Variants in MYH3 observed in about 807,000 individuals in gnomAD.
MYH3 encodes myosin-3.
In MYH3, 130 loss-of-function variants were observed where a neutral mutation model predicts 238.0. The ratio of observed to expected loss-of-function variants is 0.55; its 90% CI spans 0.47 to 0.63. The LOEUF (loss-of-function observed/expected upper bound fraction) is 0.63, where lower values mean the gene tolerates loss of function less well. Among genes scored for constraint, MYH3 ranks in the 30% least tolerant of loss-of-function variants. The pLI is 0.00. For synonymous variants in MYH3, 880 were observed against 924.1 expected (o/e 0.95, Z 0.86); for missense variants, 1,853 against 2,374.9 (o/e 0.78, Z 4.57).
intron 4 of MYH3, 159 bp downstream of exon 4, chr17:10,652,261 G>A: frequency 1.1e-6 from 1 of 933,098 alleles, no homozygotes; most frequent in Non-Finnish European, 1.7e-6. Flanking sequence ...TCCACCTCTT[G>A]CTTTCTTGCC....
At chr17:10,660,491 C>T (rs373114406), upstream of MYH3, among the ~76,000 whole-genome samples, 5 of 150,240 alleles carry the variant, frequency 3.3e-5, no homozygotes, top group South Asian at 2.1e-4. Flanking sequence ...CTGGCTAACA[C>T]AGTGAAACCC....
At position 10,654,968 on chromosome 17, in the gene MYH3, C is replaced by G. The variant is rs143168289; in HGVS notation, c.97G>C (p.Asp33His). 26 of 1,614,066 alleles carry G rather than the reference C, an allele frequency of 1.6e-5. No individual in the cohort carries two copies. The highest frequency in any genetic ancestry group is 2.2e-5 in the Non-Finnish European group (26 of 1,180,032). Residue 33 changes from aspartate (D) to histidine (H), a missense_variant, in exon 3 of 41, where the codon GAT becomes CAT. Physicochemically the swap from Asp to His is moderately conservative, Grantham distance 81. Around this residue, in one of 3 missense-constraint regions of MYH3, gnomAD observed 131 missense variants for 123.5 expected, o/e 1.06. Coordinates refer to ENST00000583535, the MANE Select transcript of MYH3 (RefSeq NM_002470.4). The surrounding 1 kb of genome is among the most constrained non-coding windows in gnomAD (Gnocchi z 4.5). ...ACCACGAAGCAATACGTCTTGGCATCAAAGGGCTGGTTCTGAGCCTCGATC... is the reference window on the plus strand; with the variant it reads ...ACCACGAAGCAATACGTCTTGGCATGAAAGGGCTGGTTCTGAGCCTCGATC... The part of the protein sequence containing the change: ...ERIEAQNQPF[D>H]AKTYCFVVDS...
chr17:10,645,831 G>A lies in MYH3; in HGVS notation c.1017C>T (p.Ile339=). Residue 339 remains isoleucine (I), a synonymous_variant, in exon 12 of 41, where the codon ATC becomes ATT. Transcript: ENST00000583535. ...ATTTCTCTTCTGGGGTGAAGCCCAGGATGTCAATGGCGCTCTGGCATGGAA... is the reference window on the plus strand; with the variant it reads ...ATTTCTCTTCTGGGGTGAAGCCCAGAATGTCAATGGCGCTCTGGCATGGAA... ...ELLATDSAID[I]LGFTPEEKSG... The A allele has an allele frequency of 6.2e-7, 1 of 1,613,878 alleles. No homozygotes were observed. Among genetic ancestry groups the A allele is most frequent in the Middle Eastern group, 1.6e-4 (1 of 6,062 alleles).
the MYH3 span, chr17:10,676,932 C>G: frequency 6.6e-6 from 1 of 152,214 alleles, no homozygotes; most frequent in African/African-American, 2.4e-5. Context: ...GCTAAAGAGG[C>G]TATTACTTGA....
chr17:10,628,769 G>A (rs1189528203), intron 40 of MYH3, 90 bp from the exon 41 acceptor site: 22 of 1,389,864 alleles, frequency 1.6e-5, no homozygotes, highest in Non-Finnish European at 2.2e-5. Flanking sequence ...AGAGTTGCTT[G>A]CCTACTTCAG....
At chr17:10,634,275 G>A in intron 31 of MYH3, 93 bp from the exon 32 acceptor site, 1 of 1,450,198 alleles carries the variant, frequency 6.9e-7, no homozygotes, top group East Asian at 2.3e-5. Flanking sequence ...CAGAGTTAGG[G>A]CTACACTTGG....
intron 30 of MYH3, 106 bp downstream of exon 30, chr17:10,635,261 G>A (rs188363659): frequency 6.4e-7 from 1 of 1,573,020 alleles, no homozygotes; most frequent in African/African-American, 1.3e-5. Context: ...TAATGGCCCA[G>A]CACCGCATTT....
In MYH3 at chr17:10,634,084, C is replaced by T; in HGVS notation, c.4455G>A (p.Leu1485=). The stretch of plus-strand genomic sequence containing the variant: ...CTAAGGCTTCCTCGTAGGCATTTTT[C>T]AGTTTGAAGAGCTCAGTGCTCAAGG... The part of the protein sequence containing the change: ...SRSLSTELFK[L]KNAYEEALDQ... Residue 1485 remains leucine (L), a synonymous_variant, in exon 32 of 41, where the codon CTG becomes CTA. Coordinates refer to ENST00000583535, the MANE Select transcript of MYH3 (RefSeq NM_002470.4). 1 of 1,614,182 alleles carries T rather than the reference C, an allele frequency of 6.2e-7. No homozygotes were observed. The highest frequency in any genetic ancestry group is 1.1e-5 in the South Asian group (1 of 91,090).
rs2074164789 is a variant in MYH3, at chr17:10,631,959, G to A, written c.5014C>T (p.Leu1672=). The change falls in exon 35 of 41, where the codon CTG becomes TTG. Residue 1672 remains leucine, a synonymous_variant. Transcript: ENST00000583535. The part of the protein sequence containing the change: ...LRGQEDLKEQ[L]AIVERRANLL... ...TTGGCTCTGCGCTCCACAATCGCCAGCTGCTCCTTCAGGTCCTCCTGGCCC... is the reference window on the plus strand; with the variant it reads ...TTGGCTCTGCGCTCCACAATCGCCAACTGCTCCTTCAGGTCCTCCTGGCCC... The A allele has an allele frequency of 6.2e-7, 1 of 1,614,046 alleles. No homozygotes were observed. The highest frequency in any genetic ancestry group is 8.5e-7 in the Non-Finnish European group (1 of 1,180,046).
chr17:10,674,631 C>G, the MYH3 span: 3 of 156,514 alleles, frequency 1.9e-5, no homozygotes, highest in African/African-American at 7.2e-5. Context: ...GCCCTTCTTC[C>G]TCTATACAGT....
At chr17:10,647,657 G>C (rs1213747613) in intron 8 of MYH3, among the ~76,000 whole-genome samples, 1 of 152,176 alleles carries the variant, frequency 6.6e-6, no homozygotes, top group Non-Finnish European at 1.5e-5. Context: ...TGATTCTCCT[G>C]CCTCAGCCTC....
rs927158345 is a variant in MYH3 at position 10,649,625 on chromosome 17, T to A, written c.594A>T (p.Thr198=). Reference sequence around the variant, plus strand: ...TGGCCAGGTCCCCAGTAGCTGCAATTGTTGCAAAGTACTGGATGACCCGTT... The same window carrying A: ...TGGCCAGGTCCCCAGTAGCTGCAATAGTTGCAAAGTACTGGATGACCCGTT... ...NTKRVIQYFA[T]IAATGDLAKK... Residue 198 remains threonine, a synonymous_variant, in exon 7 of 41, where the codon ACA becomes ACT. Coordinates refer to ENST00000583535, the MANE Select transcript of MYH3 (RefSeq NM_002470.4). 5.0e-6 allele frequency: 8 copies of A among 1,614,148 alleles called. No individual in the cohort carries two copies. Among genetic ancestry groups the A allele is most frequent in the Admixed American group, 3.3e-5 (2 of 60,008 alleles).
At chr17:10,669,725 C>T in the MYH3 span, among the ~76,000 whole-genome samples, 1 of 152,042 alleles carries the variant, frequency 6.6e-6, no homozygotes, top group Non-Finnish European at 1.5e-5. Flanking sequence ...GCAACATAGC[C>T]AGACCCCATC....
Position 10,637,916 on chromosome 17 carries a change from CAG to C in MYH3, c.3747_3748del (p.Ile1249MetfsTer10). 1 of 1,614,134 alleles carries C rather than the reference CAG, an allele frequency of 6.2e-7. No homozygotes were observed. The highest frequency in any genetic ancestry group is 8.5e-7 in the Non-Finnish European group (1 of 1,180,034). On this transcript the variant is annotated frameshift_variant, in exon 28 of 41. Coordinates refer to ENST00000583535, the MANE Select transcript of MYH3 (RefSeq NM_002470.4). LOFTEE classifies it high-confidence loss of function. ...ACTTAACTGATCCTCCAGGGTTCGGCAGATTTTTTCCAGATTTGCCTGAAGGA... is the reference window on the plus strand; with the variant it reads ...ACTTAACTGATCCTCCAGGGTTCGGCATTTTTTCCAGATTTGCCTGAAGGA...
At chr17:10,641,260 C>A in intron 18 of MYH3, 25 bp downstream of exon 18, 1 of 1,609,836 alleles carries the variant, frequency 6.2e-7, no homozygotes, top group South Asian at 1.1e-5. Flanking sequence ...CTGAGCACCA[C>A]CTAGCGAGCC....
chr17:10,640,810 C>A, intron 19 of MYH3, 124 bp from the exon 20 acceptor site: 1 of 1,258,048 alleles, frequency 7.9e-7, no homozygotes, highest in Non-Finnish European at 1.1e-6. Context: ...AGGGAACTAG[C>A]TCGGAGTCAC....
chr17:10,632,810 T>TA (rs758775200), intron 33 of MYH3, 26 bp from the exon 34 acceptor site: 5 of 1,613,026 alleles, frequency 3.1e-6, no homozygotes, highest in Non-Finnish European at 4.2e-6. Context: ...GCAAATCAAA[T>TA]AGTGTCTGTG....
intron 20 of MYH3, 22 bp downstream of exon 20, chr17:10,640,541 T>C: frequency 1.2e-6 from 2 of 1,614,266 alleles, no homozygotes; most frequent in Non-Finnish European, 1.7e-6. Context: ...AAGGCCAGCA[T>C]CTGTCAGAAC....
upstream of MYH3, among the ~76,000 whole-genome samples, chr17:10,660,998 C>T (rs183897351): frequency 2.3e-4 from 34 of 147,792 alleles, no homozygotes; most frequent in African/African-American, 8.4e-4. Context: ...TTTTTTGAGA[C>T]AGAGTTTCAC....
Sources: allele counts gnomAD v4.1 joint callset (sites outside exome capture counted in the v4.1 genomes callset), GRCh38; gene constraint gnomAD v4.1.1; regional missense constraint gnomAD v4.1.1; non-coding constraint Gnocchi (gnomAD v3.1); transcripts MANE v1.5; gene names NCBI Gene and HGNC (gene_info 2026-07-23, HGNC 2026-07-21).